ACAT1: variants seen among roughly 807,000 people sequenced by gnomAD.
ACAT1 encodes acetyl-CoA acetyltransferase, mitochondrial.
A neutral mutation model predicts 47.3 loss-of-function variants in ACAT1; 28 were observed. That is an observed-to-expected ratio of 0.59 (90% confidence interval 0.44 to 0.81). The LOEUF is 0.81. Among genes scored for constraint, ACAT1 ranks in the 30% least tolerant of loss-of-function variants. The pLI is 0.00. For synonymous variants in ACAT1, 181 were observed against 173.6 expected (o/e 1.04, Z -0.34); for missense variants, 469 against 524.3 (o/e 0.89, Z 1.03).
At chr11:108,139,228 C>T (rs2077532640) in intron 6 of ACAT1, 187 bp downstream of exon 6, 3 of 719,414 alleles carry the variant, frequency 4.2e-6, no homozygotes, top group Admixed American at 2.6e-5. Context: ...AAGAAATTTT[C>T]CCACATTTAA....
In ACAT1 at chr11:108,131,925, C is replaced by T. The variant is rs199952982; in HGVS notation, c.91C>T (p.Arg31Trp). Reference sequence around the variant, plus strand: ...ATTACAGGAAATAAGATATGTGGAACGGAGTTATGTATCAAAACCCACTTT... The same window carrying T: ...ATTACAGGAAATAAGATATGTGGAATGGAGTTATGTATCAAAACCCACTTT... ...RLVQEIRYVE[R>W]SYVSKPTLKE... The change falls in exon 2 of 12, where the codon CGG becomes TGG. Residue 31 changes from arginine to tryptophan, a missense_variant. Coordinates refer to ENST00000265838, the MANE Select transcript of ACAT1 (RefSeq NM_000019.4). 4.2e-5 allele frequency: 62 copies of T among 1,478,866 alleles called. 1 individual carries two copies. The highest frequency in any genetic ancestry group is 1.7e-4 in the Middle Eastern group (1 of 5,722). The allele number at this position is 1,478,866 out of a possible 1,614,324, so 91.6% of individuals were successfully genotyped here.
chr11:108,146,524 C>A (rs2077713390), intron 11 of ACAT1, among the ~76,000 whole-genome samples, 165 bp downstream of exon 11: 1 of 152,100 alleles, frequency 6.6e-6, no homozygotes. Context: ...TGAACAGAGA[C>A]CTGTCACATC....
intron 1 of ACAT1, 84 bp from the exon 2 acceptor site, chr11:108,131,823 C>T: frequency 1.7e-6 from 1 of 575,872 alleles, no homozygotes; most frequent in South Asian, 3.7e-5. Flanking sequence ...AGGAAGAAAC[C>T]ACTATAACCT....
rs1185256164 is a variant in ACAT1, at chr11:108,133,950, T to C, written c.238+13T>C. ...ATTGAAAAGGCAGGTCAGTAGTTAC[T>C]TGGCTTTTTGTGTTAAGGGAGCAAA... On this transcript the variant is annotated intron_variant, in intron 3 of 11. Transcript: ENST00000265838. 1.2e-6 allele frequency: 2 copies of C among 1,606,916 alleles called. No individual in the cohort carries two copies. The highest frequency in any genetic ancestry group is 1.7e-5 in the Admixed American group (1 of 59,996).
At chr11:108,134,548 G>T in intron 4 of ACAT1, 1 of 333,912 alleles carries the variant, frequency 3.0e-6, no homozygotes, top group South Asian at 3.0e-5. Context: ...TGAGGCAGGA[G>T]CATCGCTTGA....
chr11:108,121,074 G>T (rs944358964), upstream of ACAT1, among the ~76,000 whole-genome samples: 1 of 152,016 alleles, frequency 6.6e-6, no homozygotes, highest in Admixed American at 6.6e-5. Context: ...GGAGGCTTTC[G>T]CCTGTAGTCT....
intron 5 of ACAT1, chr11:108,136,113 T>C (rs753984262): frequency 1.4e-6 from 1 of 701,490 alleles, no homozygotes; most frequent in South Asian, 1.6e-5. Context: ...TGCTGTCATG[T>C]CAGGAGGTGA....
intron 1 of ACAT1, among the ~76,000 whole-genome samples, chr11:108,130,430 G>A (rs1349337564): frequency 6.6e-6 from 1 of 151,940 alleles, no homozygotes; most frequent in East Asian, 1.9e-4. Flanking sequence ...GACTCGCTCT[G>A]TCGCCCAGGC....
chr11:108,134,284 A>G lies in ACAT1; in HGVS notation c.302A>G (p.Gln101Arg). The change falls in exon 4 of 12, where the codon CAA (glutamine) becomes CGA (arginine). Residue 101 changes from glutamine (Q) to arginine (R), a missense_variant. Coordinates refer to ENST00000265838, the MANE Select transcript of ACAT1 (RefSeq NM_000019.4). The stretch of plus-strand genomic sequence containing the variant: ...AATGTTCTACAAGGAGGTGAAGGAC[A>G]AGCTCCTACAAGGCAGGCAGTATTG... ...MGNVLQGGEGQAPTRQAVLGA... is the reference protein window; with the variant it reads ...MGNVLQGGEGRAPTRQAVLGA... 6.2e-7 allele frequency: 1 copy of G among 1,613,752 alleles called. No homozygotes were observed. Among genetic ancestry groups the G allele is most frequent in the Non-Finnish European group, 8.5e-7 (1 of 1,179,774 alleles).
chr11:108,127,598 G>T (rs900856280), intron 1 of ACAT1, among the ~76,000 whole-genome samples: 1 of 152,082 alleles, frequency 6.6e-6, no homozygotes, highest in Non-Finnish European at 1.5e-5. Flanking sequence ...CATGGGACTG[G>T]ATATAACTAA....
At position 108,142,522 on chromosome 11, in the gene ACAT1, C is replaced by A; in HGVS notation, c.912C>A (p.Leu304=). Residue 304 remains leucine, a synonymous_variant, in exon 9 of 12, where the codon CTC becomes CTA. Coordinates refer to ENST00000265838, the MANE Select transcript of ACAT1 (RefSeq NM_000019.4). ...VLMTADAAKR[L]NVTPLARIVA... ...TGACGGCAGATGCAGCGAAGAGGCT[C>A]AATGTTACACCACTGGCAAGAATAG... 1 of 1,614,094 alleles carries A rather than the reference C, an allele frequency of 6.2e-7. No individual in the cohort carries two copies. The highest frequency in any genetic ancestry group is 8.5e-7 in the Non-Finnish European group (1 of 1,180,012).
intron 3 of ACAT1, 139 bp downstream of exon 3, chr11:108,134,076 T>G: frequency 8.7e-7 from 1 of 1,151,918 alleles, no homozygotes; most frequent in Non-Finnish European, 1.3e-6. Flanking sequence ...AAAGAAGTCT[T>G]TGTACTATAC....
chr11:108,133,961 T>C (rs771278537), intron 3 of ACAT1, 24 bp downstream of exon 3: 2 of 1,586,562 alleles, frequency 1.3e-6, no homozygotes. Context: ...TGGCTTTTTG[T>C]GTTAAGGGAG....
chr11:108,121,643 C>A lies in ACAT1; in HGVS notation c.37C>A (p.Arg13Ser), dbSNP rs1211329032. Reference protein sequence around the residue: ...VLAALLRSGARSRSPLLRRLV... With the variant: ...VLAALLRSGASSRSPLLRRLV... ...GGCGGCACTTCTGCGCAGCGGCGCCCGCAGCCGCAGCCCCCTGCTCCGGAG... is the reference window on the plus strand; with the variant it reads ...GGCGGCACTTCTGCGCAGCGGCGCCAGCAGCCGCAGCCCCCTGCTCCGGAG... Residue 13 changes from arginine to serine, a missense_variant, in exon 1 of 12, where the codon CGC becomes AGC. Transcript: ENST00000265838. The A allele has an allele frequency of 6.5e-7, 1 of 1,550,218 alleles. No individual in the cohort carries two copies. The highest frequency in any genetic ancestry group is 2.4e-5 in the East Asian group (1 of 41,050).
intron 9 of ACAT1, 139 bp from the exon 10 acceptor site, chr11:108,143,844 T>C: frequency 2.7e-6 from 2 of 739,646 alleles, no homozygotes; most frequent in East Asian, 1.0e-4. Flanking sequence ...TGTAGAATCC[T>C]AGAAAAGGAA....
At chr11:108,142,391 T>G in intron 8 of ACAT1, 46 bp from the exon 9 acceptor site, 1 of 1,428,086 alleles carries the variant, frequency 7.0e-7, no homozygotes, top group Non-Finnish European at 9.8e-7. Context: ...CCAAATACAT[T>G]TATTGTGAAG....
At chr11:108,136,064 C>A in intron 5 of ACAT1, 1 of 679,100 alleles carries the variant, frequency 1.5e-6, no homozygotes. Flanking sequence ...CTTGTCTTTA[C>A]TTGAGATCAA....
At chr11:108,136,794 G>T (rs1217246499) in intron 5 of ACAT1, 1 of 152,174 alleles carries the variant, frequency 6.6e-6, no homozygotes, top group Non-Finnish European at 1.5e-5. Context: ...AACTGATTAA[G>T]AATTTCTCTA....
At chr11:108,133,707 A>T in intron 2 of ACAT1, 113 bp from the exon 3 acceptor site, 1 of 862,280 alleles carries the variant, frequency 1.2e-6, no homozygotes, top group South Asian at 1.4e-5. Flanking sequence ...ATTGAGATTA[A>T]TTTTTGATGA....
Sources: allele counts gnomAD v4.1 joint callset (sites outside exome capture counted in the v4.1 genomes callset), GRCh38; gene constraint gnomAD v4.1.1; transcripts MANE v1.5; gene names NCBI Gene and HGNC (gene_info 2026-07-23, HGNC 2026-07-21).